Variants in KCNIP1 observed in about 807,000 individuals in gnomAD.
The protein encoded by KCNIP1 is potassium voltage-gated channel interacting protein 1.
KCNIP1 carries 18 observed loss-of-function variants against 33.0 expected under a neutral mutation model. The observed-to-expected ratio is 0.55, with a 90% CI of 0.38 to 0.81. KCNIP1 has a LOEUF of 0.81. KCNIP1 is among the 30% of genes least tolerant of loss of function. The pLI, the probability that KCNIP1 is intolerant of heterozygous loss-of-function variation, is 0.00. For synonymous variants in KCNIP1, 93 were observed against 98.3 expected, an observed-to-expected ratio of 0.95 and a Z score of 0.32; for missense variants, 238 against 271.6, an observed-to-expected ratio of 0.88 and a Z score of 0.87.
At chr5:170,529,286 C>G (rs2042227) in intron 1 of KCNIP1, among the ~76,000 whole-genome samples, 32,143 of 152,124 alleles carry the variant, frequency 0.21, 3,658 homozygotes, top group African/African-American at 0.27. Flanking sequence ...ATATTTACAG[C>G]CCACCAGCTC....
At chr5:170,658,726 A>T (rs529255402) in intron 1 of KCNIP1, among the ~76,000 whole-genome samples, 1 of 152,214 alleles carries the variant, frequency 6.6e-6, no homozygotes, top group African/African-American at 2.4e-5. Context: ...AGCATGAGAC[A>T]TACTTGGTGA....
At chr5:170,571,790 G>A (rs1367110279) in intron 1 of KCNIP1, among the ~76,000 whole-genome samples, 1 of 152,126 alleles carries the variant, frequency 6.6e-6, no homozygotes, top group Non-Finnish European at 1.5e-5. Context: ...CAGGGAATAG[G>A]TCATTCTGTG....
rs570373695 is a variant in KCNIP1, at chr5:170,490,347, G to C, written c.88+136383G>C. Among the ~76,000 whole-genome samples the C allele has an allele frequency of 4.6e-5, 7 of 152,322 alleles. No homozygotes were observed. In the South Asian group the frequency reaches 1.5e-3, roughly 32 times the overall value. ...TGAAATTCTCCCACATTGACGGGCTGGGGGTAGGGCAACTACAATTGAGAA... is the reference window on the plus strand; with the variant it reads ...TGAAATTCTCCCACATTGACGGGCTCGGGGTAGGGCAACTACAATTGAGAA... On this transcript the variant is annotated intron_variant, in intron 1 of 7. Transcript: ENST00000377360.
intron 1 of KCNIP1, among the ~76,000 whole-genome samples, chr5:170,701,664 T>C (rs935869122): frequency 6.6e-6 from 1 of 152,176 alleles, no homozygotes; most frequent in Admixed American, 6.5e-5. Flanking sequence ...AAGGCACTCA[T>C]TAAGAAGCTG....
intron 1 of KCNIP1, among the ~76,000 whole-genome samples, chr5:170,364,431 C>A (rs1763599560): frequency 6.6e-6 from 1 of 152,196 alleles, no homozygotes; most frequent in Admixed American, 6.5e-5. Context: ...ATGGACCATT[C>A]CCATATTTTT....
intron 1 of KCNIP1, among the ~76,000 whole-genome samples, chr5:170,385,772 G>A (rs1055775142): frequency 1.3e-5 from 2 of 152,004 alleles, no homozygotes; most frequent in Non-Finnish European, 2.9e-5. Context: ...CTAGTCTCTG[G>A]AAGCTATCAA....
chr5:170,690,896 T>C (rs958714259), intron 1 of KCNIP1, among the ~76,000 whole-genome samples: 2 of 152,252 alleles, frequency 1.3e-5, no homozygotes, highest in Admixed American at 1.3e-4. Context: ...TTAGCTTCTG[T>C]GCACAACTTC....
At chr5:170,357,412 C>T (rs6872424) in intron 1 of KCNIP1, among the ~76,000 whole-genome samples, 7,233 of 152,322 alleles carry the variant, frequency 0.047, 222 homozygotes, top group South Asian at 0.094. Flanking sequence ...AGAGCCCCTC[C>T]GGGCTGGGAC....
intron 1 of KCNIP1, among the ~76,000 whole-genome samples, chr5:170,700,952 C>T (rs1390467026): frequency 1.3e-5 from 2 of 152,168 alleles, no homozygotes; most frequent in Non-Finnish European, 1.5e-5. Flanking sequence ...AACAACATTA[C>T]AATAAACACA....
chr5:170,439,459 G>A (rs1400792040), intron 1 of KCNIP1, among the ~76,000 whole-genome samples: 3 of 151,012 alleles, frequency 2.0e-5, no homozygotes, highest in Non-Finnish European at 3.0e-5. Flanking sequence ...AATGTGTCAG[G>A]AGAGCCTGGC....
intron 1 of KCNIP1, among the ~76,000 whole-genome samples, chr5:170,477,314 T>C (rs1421587678): frequency 6.6e-6 from 1 of 151,120 alleles, no homozygotes; most frequent in African/African-American, 2.4e-5. Flanking sequence ...TATATACACA[T>C]ATATATTACA....
chr5:170,632,496 A>T (rs1760089038), intron 1 of KCNIP1, among the ~76,000 whole-genome samples: 1 of 152,224 alleles, frequency 6.6e-6, no homozygotes, highest in Admixed American at 6.5e-5. Context: ...AGGGCGAACC[A>T]ACAGAGGCGG....
At chr5:170,429,616 C>A (rs1755696578) in intron 1 of KCNIP1, among the ~76,000 whole-genome samples, 1 of 152,108 alleles carries the variant, frequency 6.6e-6, no homozygotes, top group African/African-American at 2.4e-5. Context: ...CACTCCTCCC[C>A]CACACCCTCA....
chr5:170,432,812 C>T (rs1266306043), intron 1 of KCNIP1, among the ~76,000 whole-genome samples: 4 of 152,232 alleles, frequency 2.6e-5, no homozygotes, highest in Admixed American at 2.0e-4. Context: ...TTTACAGATG[C>T]ATAAACTGTC....
chr5:170,542,128 G>A (rs868151721), intron 1 of KCNIP1, among the ~76,000 whole-genome samples: 1 of 152,198 alleles, frequency 6.6e-6, no homozygotes, highest in Admixed American at 6.5e-5. Flanking sequence ...ATTCAGCCAT[G>A]TCACACTGAA....
chr5:170,437,818 C>T (rs1755899580), intron 1 of KCNIP1, among the ~76,000 whole-genome samples: 1 of 152,320 alleles, frequency 6.6e-6, no homozygotes, highest in African/African-American at 2.4e-5. Flanking sequence ...TCCAGGTTTC[C>T]CCTACCTCTG....
chr5:170,367,245 T>C (rs892726822), intron 1 of KCNIP1, among the ~76,000 whole-genome samples: 2 of 150,426 alleles, frequency 1.3e-5, no homozygotes, highest in African/African-American at 4.9e-5. Flanking sequence ...AACCAGAATG[T>C]GGAGGTTGCA....
chr5:170,730,628 A>G (rs1216894992), intron 5 of KCNIP1, among the ~76,000 whole-genome samples: 1 of 152,236 alleles, frequency 6.6e-6, no homozygotes, highest in South Asian at 2.1e-4. Context: ...GGATAGAGAC[A>G]TCTATTTCCT....
Position 170,506,261 on chromosome 5 carries a change from G to A in KCNIP1, c.61+1628G>A, listed in dbSNP as rs550324955. ...CAGCTCCATCACTCCCTGCCTCTGG[G>A]ACCTTAGGAAAGTCCCCCGCACCTC... On this transcript the variant is annotated intron_variant, in intron 1 of 7. Coordinates refer to ENST00000328939, the MANE Select transcript of KCNIP1 (RefSeq NM_014592.4). Among the ~76,000 whole-genome samples, 3 of 152,226 alleles carry A rather than the reference G, an allele frequency of 2.0e-5. No individual in the cohort carries two copies. In the South Asian group the frequency reaches 6.2e-4, roughly 32 times the overall value.
Sources: allele counts gnomAD v4.1 joint callset (sites outside exome capture counted in the v4.1 genomes callset), GRCh38; gene constraint gnomAD v4.1.1; transcripts MANE v1.5; gene names NCBI Gene and HGNC (gene_info 2026-07-23, HGNC 2026-07-21).